Variants in CFAP299 observed in about 807,000 individuals in gnomAD.
CFAP299 encodes cilia and flagella associated protein 299, also known as cilia- and flagella-associated protein 299.
Under a neutral mutation model 27.0 loss-of-function variants are expected in CFAP299, and 21 were observed. That is an observed-to-expected ratio of 0.78 (90% CI 0.55 to 1.12). CFAP299 has a LOEUF of 1.12. Ranked by LOEUF, CFAP299 falls within the 50% of genes most tolerant of loss-of-function variation. The pLI is 0.00. For synonymous variants in CFAP299, 104 were observed against 98.1 expected, an observed-to-expected ratio of 1.06 and a Z score of -0.36; for missense variants, 310 against 276.6, an observed-to-expected ratio of 1.12 and a Z score of -0.86.
chr4:80,506,355 G>A (rs1732036732), intron 2 of CFAP299, among the ~76,000 whole-genome samples: 1 of 152,134 alleles, frequency 6.6e-6, no homozygotes, highest in African/African-American at 2.4e-5. Context: ...ACTGGAAGCA[G>A]TAGGAGTTGC....
At chr4:80,652,714 C>T (rs1740366491) in intron 3 of CFAP299, among the ~76,000 whole-genome samples, 1 of 151,970 alleles carries the variant, frequency 6.6e-6, no homozygotes, top group South Asian at 2.1e-4. Flanking sequence ...ACCAACTACA[C>T]TTCTCATGTC....
intron 3 of CFAP299, among the ~76,000 whole-genome samples, chr4:80,707,167 T>C (rs1034860092): frequency 1.3e-5 from 2 of 151,970 alleles, no homozygotes; most frequent in Non-Finnish European, 2.9e-5. Flanking sequence ...TGCCTTTAAG[T>C]GCAAAACATC....
intron 1 of CFAP299, among the ~76,000 whole-genome samples, chr4:80,347,750 T>C (rs1425283880): frequency 6.6e-6 from 1 of 152,122 alleles, no homozygotes; most frequent in African/African-American, 2.4e-5. Context: ...TAAGCTACCA[T>C]TGACATTCTT....
intron 3 of CFAP299, among the ~76,000 whole-genome samples, chr4:80,712,635 A>G (rs1722241887): frequency 6.6e-6 from 1 of 152,170 alleles, no homozygotes; most frequent in South Asian, 2.1e-4. Flanking sequence ...TAACTTTCAA[A>G]TCAACAACTC....
chr4:80,385,461 GACA>G (rs1724922199), intron 2 of CFAP299, among the ~76,000 whole-genome samples: 1 of 150,034 alleles, frequency 6.7e-6, no homozygotes, highest in Admixed American at 6.6e-5. Flanking sequence ...TTTTTTTAAT[GACA>G]ACAACATTTA....
At chr4:80,605,190 T>C (rs911607326) in intron 3 of CFAP299, among the ~76,000 whole-genome samples, 4 of 152,184 alleles carry the variant, frequency 2.6e-5, no homozygotes, top group Non-Finnish European at 4.4e-5. Flanking sequence ...AATTTATTCA[T>C]ATTTTAGAGA....
intron 3 of CFAP299, among the ~76,000 whole-genome samples, chr4:80,734,818 T>C (rs1238174848): frequency 5.3e-5 from 8 of 152,100 alleles, no homozygotes; most frequent in African/African-American, 1.7e-4. Flanking sequence ...TGTCCATTGG[T>C]CTATGTGTCT....
chr4:80,388,281 C>G, intron 2 of CFAP299: 1 of 689,622 alleles, frequency 1.5e-6, no homozygotes, highest in East Asian at 2.7e-5. Flanking sequence ...GATGTGAAGC[C>G]TGAAATGGCA....
chr4:80,552,834 T>C (rs6824365), intron 2 of CFAP299, among the ~76,000 whole-genome samples: 57,182 of 151,688 alleles, frequency 0.38, 13,719 homozygotes, highest in African/African-American at 0.68. Flanking sequence ...ACAACAGGCA[T>C]GTGCCACCAT....
At chr4:80,538,970 G>A (rs1008026198) in intron 2 of CFAP299, among the ~76,000 whole-genome samples, 2 of 152,086 alleles carry the variant, frequency 1.3e-5, no homozygotes, top group African/African-American at 4.8e-5. Context: ...GTTTTTAGTT[G>A]GCTTTCCAGC....
intron 2 of CFAP299, among the ~76,000 whole-genome samples, chr4:80,396,423 G>C (rs1725797773): frequency 6.6e-6 from 1 of 152,004 alleles, no homozygotes; most frequent in Non-Finnish European, 1.5e-5. Context: ...TGTGTAATGA[G>C]ATAATACATT....
At chr4:80,817,044 C>T (rs1028813644) in intron 3 of CFAP299, among the ~76,000 whole-genome samples, 1 of 152,078 alleles carries the variant, frequency 6.6e-6, no homozygotes, top group Admixed American at 6.6e-5. Flanking sequence ...GAATACCTTC[C>T]AAGAATTACT....
intron 3 of CFAP299, among the ~76,000 whole-genome samples, chr4:80,722,139 C>G (rs2867786): frequency 0.08 from 12,171 of 152,166 alleles, 514 homozygotes; most frequent in Middle Eastern, 0.18. Flanking sequence ...ATAATCGAGC[C>G]AGGCTCAGTG....
chr4:80,417,814 ATAT>A (rs770296427), intron 2 of CFAP299, among the ~76,000 whole-genome samples: 1 of 151,752 alleles, frequency 6.6e-6, no homozygotes, highest in Non-Finnish European at 1.5e-5. Context: ...GTACATGTGT[ATAT>A]ATATGTTTGC....
At chr4:80,503,988 A>C (rs112861838) in intron 2 of CFAP299, among the ~76,000 whole-genome samples, 1 of 150,454 alleles carries the variant, frequency 6.6e-6, no homozygotes, top group African/African-American at 2.5e-5. Flanking sequence ...GCAAAGAAAC[A>C]TGATTCATTC....
rs543799278 is a variant in CFAP299 at position 80,692,646 on chromosome 4, C to T, written c.333+109463C>T. Reference sequence around the variant, plus strand: ...AGGACATAGGCATGGGCAAGGACTTCATGTCTAAAACACCAAAAGCAATGG... The same window carrying T: ...AGGACATAGGCATGGGCAAGGACTTTATGTCTAAAACACCAAAAGCAATGG... On this transcript the variant is annotated intron_variant, in intron 3 of 5. Coordinates refer to ENST00000358105, the MANE Select transcript of CFAP299 (RefSeq NM_152770.3). Among the ~76,000 whole-genome samples the T allele has an allele frequency of 3.3e-5, 5 of 152,274 alleles. No homozygotes were observed. In the East Asian group the frequency reaches 9.6e-4, roughly 29 times the overall value.
intron 1 of CFAP299, among the ~76,000 whole-genome samples, chr4:80,358,259 A>G (rs936181615): frequency 3.3e-5 from 5 of 152,148 alleles, no homozygotes; most frequent in African/African-American, 4.8e-5. Context: ...ACTTCTCATT[A>G]TGTGGTCGAT....
At chr4:80,924,757 G>A (rs1031549773) in intron 4 of CFAP299, among the ~76,000 whole-genome samples, 3 of 151,178 alleles carry the variant, frequency 2.0e-5, no homozygotes, top group African/African-American at 7.3e-5. Context: ...CTATCAGCTA[G>A]AGTGTTATAA....
At chr4:80,761,990 G>A (rs956973083) in intron 3 of CFAP299, among the ~76,000 whole-genome samples, 6 of 151,936 alleles carry the variant, frequency 3.9e-5, no homozygotes, top group Non-Finnish European at 7.4e-5. Flanking sequence ...ACAGATTTCA[G>A]TGTTTAAGTA....
Sources: gnomAD v4.1 joint callset for allele counts (sites outside exome capture counted in the v4.1 genomes callset) on GRCh38, gnomAD v4.1.1 for gene constraint, MANE v1.5 for transcripts, NCBI Gene and HGNC (gene_info 2026-07-23, HGNC 2026-07-21) for gene names.